The following PLSCR2 variants were observed in gnomAD, a reference collection of about 807,000 sequenced individuals.
PLSCR2 encodes the protein phospholipid scramblase 2.
A neutral mutation model predicts 25.3 loss-of-function variants in PLSCR2; 18 were observed. The observed-to-expected ratio is 0.71, with a 90% CI of 0.49 to 1.06. The LOEUF is 1.06. PLSCR2 is among the 50% of genes least tolerant of loss of function. The pLI is 0.00. For missense variants in PLSCR2, 243 were observed against 269.5 expected (o/e 0.90, Z 0.69); for synonymous variants, 88 against 87.3 (o/e 1.01, Z -0.04).
chr3:146,393,027 CTTT>C (rs1296969192), intron 3 of PLSCR2, among the ~76,000 whole-genome samples: 1,684 of 104,350 alleles, frequency 0.016, 15 homozygotes, highest in African/African-American at 0.058. Flanking sequence ...ATTTACATTC[CTTT>C]TTTTTTTTTT....
upstream of PLSCR2, among the ~76,000 whole-genome samples, chr3:146,463,676 T>G (rs2041733162): frequency 6.6e-6 from 1 of 152,136 alleles, no homozygotes; most frequent in African/African-American, 2.4e-5. Context: ...CCATGCACGC[T>G]AATACAAACT....
chr3:146,439,059 A>T (rs371091868), downstream of PLSCR2, among the ~76,000 whole-genome samples: 2 of 152,252 alleles, frequency 1.3e-5, no homozygotes, highest in South Asian at 2.1e-4. Context: ...GATATGAAAT[A>T]CTGGGTTGAA....
chr3:146,440,206 G>A (rs1270310842), downstream of PLSCR2, among the ~76,000 whole-genome samples: 2 of 152,146 alleles, frequency 1.3e-5, no homozygotes, highest in Non-Finnish European at 2.9e-5. Flanking sequence ...CCTCCCAGTT[G>A]GGCTACGCAG....
At chr3:146,487,463 C>A (rs1259745670) in intron 1 of PLSCR2, among the ~76,000 whole-genome samples, 1 of 152,104 alleles carries the variant, frequency 6.6e-6, no homozygotes, top group African/African-American at 2.4e-5. Flanking sequence ...GCAAATTCAG[C>A]AAAATTTCAG....
intron 1 of PLSCR2, among the ~76,000 whole-genome samples, chr3:146,488,181 A>T (rs1010591873): frequency 3.2e-4 from 48 of 152,314 alleles, no homozygotes; most frequent in Middle Eastern, 3.4e-3. Flanking sequence ...AAATTAACTC[A>T]AGATGGATTA....
At chr3:146,432,782 T>C (rs2039595202), downstream of PLSCR2, among the ~76,000 whole-genome samples, 1 of 152,176 alleles carries the variant, frequency 6.6e-6, no homozygotes, top group South Asian at 2.1e-4. Flanking sequence ...GAAACTATTC[T>C]ATTACTACCT....
chr3:146,449,374 TGC>T lies in PLSCR2; in HGVS notation c.484-9_484-8del. 3 of 1,494,320 alleles carry T rather than the reference TGC, an allele frequency of 2.0e-6. No individual in the cohort carries two copies. Among genetic ancestry groups the T allele is most frequent in the Non-Finnish European group, 2.7e-6 (3 of 1,115,080 alleles). The allele number at this position is 1,494,320 out of a possible 1,614,324, so 92.6% of individuals were successfully genotyped here. On this transcript the variant is annotated splice_polypyrimidine_tract_variant and splice_region_variant and intron_variant, in intron 5 of 6. Transcript: ENST00000610787. The stretch of plus-strand genomic sequence containing the variant: ...GTTCATCAAGAGATGTAATCTAAAT[TGC>T]AAAAAAAAAAAAAACTTAAAAATTT...
At chr3:146,437,221 A>G (rs180710305), downstream of PLSCR2, among the ~76,000 whole-genome samples, 108 of 151,986 alleles carry the variant, frequency 7.1e-4, 1 homozygote, top group African/African-American at 2.5e-3. Context: ...CATCAGGGAT[A>G]TTGGTCTAAA....
At chr3:146,420,557 G>C (rs1042800369) in intron 2 of PLSCR2, among the ~76,000 whole-genome samples, 1 of 151,760 alleles carries the variant, frequency 6.6e-6, no homozygotes, top group African/African-American at 2.4e-5. Context: ...TGAATAAATT[G>C]GTTGTCTTTC....
At chr3:146,418,263 T>C (rs756971665) in intron 2 of PLSCR2, among the ~76,000 whole-genome samples, 4 of 152,128 alleles carry the variant, frequency 2.6e-5, no homozygotes, top group Non-Finnish European at 5.9e-5. Flanking sequence ...ACATGCAAAG[T>C]ATATAAACCC....
intron 2 of PLSCR2, among the ~76,000 whole-genome samples, chr3:146,426,577 C>T (rs2039362437): frequency 6.6e-6 from 1 of 150,654 alleles, no homozygotes; most frequent in Non-Finnish European, 1.5e-5. Context: ...TGTGAGGGTA[C>T]ATCTACCCTA....
intron 6 of PLSCR2, among the ~76,000 whole-genome samples, chr3:146,448,062 G>T (rs1438234924): frequency 6.6e-6 from 1 of 152,110 alleles, no homozygotes; most frequent in Non-Finnish European, 1.5e-5. Flanking sequence ...CGGGTATGGG[G>T]GAGGAGTGAT....
intron 1 of PLSCR2, chr3:146,469,179 C>T (rs2042001452): frequency 1.0e-6 from 1 of 985,500 alleles, no homozygotes; most frequent in Non-Finnish European, 1.2e-6. Context: ...TGCTCCTGAG[C>T]CCAGACTCTG....
chr3:146,434,557 A>G (rs1017894854), intron 8 of PLSCR2, among the ~76,000 whole-genome samples: 61 of 152,024 alleles, frequency 4.0e-4, no homozygotes, highest in African/African-American at 1.5e-3. Flanking sequence ...TATATATATG[A>G]TATAATTTTG....
chr3:146,416,777 AT>A (rs1426587183), intron 2 of PLSCR2, among the ~76,000 whole-genome samples: 1 of 152,200 alleles, frequency 6.6e-6, no homozygotes, highest in Non-Finnish European at 1.5e-5. Context: ...TTTTTAATAT[AT>A]GTGGTTTTAT....
intron 1 of PLSCR2, among the ~76,000 whole-genome samples, chr3:146,493,184 A>G (rs1424713491): frequency 1.3e-5 from 2 of 152,096 alleles, no homozygotes; most frequent in East Asian, 3.8e-4. Context: ...CAACAAGAAA[A>G]AGCCTTGGAC....
At chr3:146,485,775 G>T (rs496949) in intron 1 of PLSCR2, among the ~76,000 whole-genome samples, 49,007 of 151,924 alleles carry the variant, frequency 0.32, 7,942 homozygotes, top group South Asian at 0.41. Flanking sequence ...TATAAAAGAG[G>T]TTTAATTGGA....
intron 1 of PLSCR2, among the ~76,000 whole-genome samples, chr3:146,492,032 GA>G (rs1211077707): frequency 2.6e-5 from 4 of 152,112 alleles, no homozygotes; most frequent in African/African-American, 9.7e-5. Context: ...TTGATGCCCT[GA>G]AGGATTTGAC....
upstream of PLSCR2, among the ~76,000 whole-genome samples, chr3:146,464,185 CAT>C (rs767474082): frequency 1.2e-4 from 18 of 152,268 alleles, no homozygotes; most frequent in East Asian, 1.9e-4. Flanking sequence ...AGCTAGTAAA[CAT>C]GTGTAACTAG....
Sources: allele counts gnomAD v4.1 joint callset (sites outside exome capture counted in the v4.1 genomes callset), GRCh38; gene constraint gnomAD v4.1.1; transcripts MANE v1.5; gene names NCBI Gene and HGNC (gene_info 2026-07-23, HGNC 2026-07-21).